Variants in TMEM135 observed in about 807,000 individuals in gnomAD.
The protein encoded by TMEM135 is transmembrane protein 135.
Under a neutral mutation model 60.3 loss-of-function variants are expected in TMEM135, and 30 were observed. The observed-to-expected ratio is 0.50, with a 90% CI of 0.37 to 0.68. The LOEUF (loss-of-function observed/expected upper bound fraction) is 0.68, where lower values mean the gene tolerates loss of function less well. Among genes scored for constraint, TMEM135 ranks in the 30% least tolerant of loss-of-function variants. TMEM135 has a pLI of 0.00. For missense variants in TMEM135, 468 were observed against 548.8 expected (o/e 0.85, Z 1.47); for synonymous variants, 190 against 186.7 (o/e 1.02, Z -0.14).
intron 6 of TMEM135, among the ~76,000 whole-genome samples, chr11:87,286,349 C>T (rs575282401): frequency 6.6e-6 from 1 of 151,918 alleles, no homozygotes; most frequent in Admixed American, 6.6e-5. Context: ...TTGGTGCATC[C>T]ATGAACCCCG....
intron 5 of TMEM135, among the ~76,000 whole-genome samples, chr11:87,218,921 C>T (rs886501075): frequency 2.6e-5 from 4 of 152,108 alleles, no homozygotes; most frequent in Non-Finnish European, 5.9e-5. Flanking sequence ...CTGATCACGC[C>T]ACTGCACTCC....
chr11:87,311,607 C>G (rs1348644319), intron 10 of TMEM135, among the ~76,000 whole-genome samples: 1 of 151,872 alleles, frequency 6.6e-6, no homozygotes, highest in Non-Finnish European at 1.5e-5. Flanking sequence ...ATTTCTGTTA[C>G]TATTTATTTA....
At chr11:87,179,973 C>G (rs1045858286) in intron 5 of TMEM135, among the ~76,000 whole-genome samples, 3 of 151,958 alleles carry the variant, frequency 2.0e-5, no homozygotes, top group Non-Finnish European at 1.5e-5. Context: ...TGCCCTTTTC[C>G]CCTTTCTTTT....
chr11:87,099,926 C>T (rs1306557146), intron 4 of TMEM135, among the ~76,000 whole-genome samples: 1 of 151,908 alleles, frequency 6.6e-6, no homozygotes, highest in Non-Finnish European at 1.5e-5. Context: ...TGTTATCTGC[C>T]CTCCTCGGCC....
chr11:87,169,187 A>ATG (rs1939157494), intron 5 of TMEM135, among the ~76,000 whole-genome samples: 1 of 149,172 alleles, frequency 6.7e-6, no homozygotes. Context: ...TTTTGAGCCT[A>ATG]TGTGTGTCTT....
intron 6 of TMEM135, among the ~76,000 whole-genome samples, chr11:87,260,587 T>C (rs922541920): frequency 3.9e-5 from 6 of 152,134 alleles, no homozygotes; most frequent in African/African-American, 1.4e-4. Flanking sequence ...TTATAATATT[T>C]AACAAAAACT....
At chr11:87,086,086 T>C (rs775962679) in intron 3 of TMEM135, among the ~76,000 whole-genome samples, 1 of 152,206 alleles carries the variant, frequency 6.6e-6, no homozygotes, top group Non-Finnish European at 1.5e-5. Context: ...TAAATTGGTA[T>C]CATTAATTGG....
At chr11:87,301,097 G>C (rs1942439606) in intron 7 of TMEM135, among the ~76,000 whole-genome samples, 2 of 152,084 alleles carry the variant, frequency 1.3e-5, no homozygotes. Flanking sequence ...GCTGCCATCT[G>C]GTGACAAACA....
At chr11:87,310,492 G>T (rs1164586398) in intron 10 of TMEM135, among the ~76,000 whole-genome samples, 1 of 151,794 alleles carries the variant, frequency 6.6e-6, no homozygotes, top group African/African-American at 2.4e-5. Flanking sequence ...GGGAGGGAGG[G>T]AGCAGGGCAA....
intron 1 of TMEM135, among the ~76,000 whole-genome samples, chr11:87,043,483 T>TG (rs1324168647): frequency 6.6e-6 from 1 of 151,766 alleles, no homozygotes; most frequent in Non-Finnish European, 1.5e-5. Flanking sequence ...CCCAGCACTT[T>TG]GGGAGGCTGA....
intron 4 of TMEM135, among the ~76,000 whole-genome samples, chr11:87,155,425 G>A (rs1266547312): frequency 1.3e-5 from 2 of 152,162 alleles, no homozygotes; most frequent in Non-Finnish European, 2.9e-5. Context: ...TTAAATTTAT[G>A]TCTTTGATCC....
chr11:87,201,999 T>C (rs1591099781), intron 5 of TMEM135, among the ~76,000 whole-genome samples: 1 of 83,402 alleles, frequency 1.2e-5, no homozygotes, highest in East Asian at 3.0e-4. Context: ...TGTTATGTTA[T>C]GTTATGTTAT....
Position 87,071,564 on chromosome 11 carries a change from G to T in TMEM135, c.311G>T (p.Gly104Val). The T allele has an allele frequency of 6.2e-7, 1 of 1,613,904 alleles. No individual in the cohort carries two copies. Among genetic ancestry groups the T allele is most frequent in the East Asian group, 2.2e-5 (1 of 44,852 alleles). The change falls in exon 3 of 15, where the codon GGT becomes GTT. Residue 104 changes from glycine (G) to valine (V), a missense_variant. Transcript: ENST00000305494. ...TTCTACTCATGGACTCCTGGCTTTG[G>T]TGCCGCTCTGCCAGCATCTTATGTG... is the stretch of plus-strand genomic sequence containing the variant. The part of the protein sequence containing the change: ...GKFYSWTPGF[G>V]AALPASYVAI...
intron 1 of TMEM135, among the ~76,000 whole-genome samples, chr11:87,063,058 A>G (rs1046449847): frequency 6.6e-6 from 1 of 152,190 alleles, no homozygotes; most frequent in Non-Finnish European, 1.5e-5. Flanking sequence ...ACATATATTT[A>G]TTGTAGAAAG....
intron 4 of TMEM135, among the ~76,000 whole-genome samples, chr11:87,140,024 T>C (rs998686421): frequency 5.9e-5 from 9 of 152,090 alleles, no homozygotes; most frequent in Admixed American, 3.3e-4. Context: ...CACATATATA[T>C]TTGCAGATAT....
chr11:87,283,653 T>C (rs1330813312), intron 6 of TMEM135, among the ~76,000 whole-genome samples: 3 of 150,894 alleles, frequency 2.0e-5, no homozygotes, highest in African/African-American at 7.3e-5. Context: ...CAGCCAGGAG[T>C]TCAAGACCAG....
At chr11:87,315,004 T>C (rs1221128715) in intron 12 of TMEM135, among the ~76,000 whole-genome samples, 1 of 151,970 alleles carries the variant, frequency 6.6e-6, no homozygotes, top group Non-Finnish European at 1.5e-5. Context: ...AATTCCATAC[T>C]AATATATCCA....
intron 4 of TMEM135, among the ~76,000 whole-genome samples, chr11:87,151,917 A>T (rs1399945289): frequency 6.6e-6 from 1 of 151,756 alleles, no homozygotes; most frequent in African/African-American, 2.4e-5. Flanking sequence ...TAATTATCCT[A>T]CCTCTGTTTT....
chr11:87,231,331 C>T (rs916923139), intron 5 of TMEM135, among the ~76,000 whole-genome samples: 3 of 152,102 alleles, frequency 2.0e-5, no homozygotes, highest in Non-Finnish European at 2.9e-5. Context: ...GAGTAGTTAG[C>T]ACTCAAACAG....
Sources: allele counts gnomAD v4.1 joint callset (sites outside exome capture counted in the v4.1 genomes callset), GRCh38; gene constraint gnomAD v4.1.1; transcripts MANE v1.5; gene names NCBI Gene and HGNC (gene_info 2026-07-23, HGNC 2026-07-21).